WSB2: variants seen among roughly 807,000 people sequenced by gnomAD.
WSB2 encodes the protein WD repeat and SOCS box-containing protein 2.
Under a neutral mutation model 48.8 loss-of-function variants are expected in WSB2, and 12 were observed. The ratio of observed to expected loss-of-function variants is 0.25; its 90% confidence interval spans 0.16 to 0.40. The LOEUF (loss-of-function observed/expected upper bound fraction) is 0.40. Among genes scored for constraint, WSB2 ranks in the 10% least tolerant of loss-of-function variants. The pLI, the probability that WSB2 is intolerant of heterozygous loss-of-function variation, is 1.00. For missense variants in WSB2, 317 were observed against 506.2 expected, an observed-to-expected ratio of 0.63 and a Z score of 3.59; for synonymous variants, 191 against 203.1, an observed-to-expected ratio of 0.94 and a Z score of 0.51.
Position 118,036,209 on chromosome 12 carries a change from A to T in WSB2, c.833+129T>A, listed in dbSNP as rs2031506051. 3 of 1,112,970 alleles carry T rather than the reference A, an allele frequency of 2.7e-6. No individual in the cohort carries two copies. In the African/African-American group the frequency reaches 4.7e-5, roughly 17 times the overall value. The allele number at this position is 1,112,970 out of a possible 1,614,324, so 68.9% of individuals were successfully genotyped here. ...AGAGCGAGACTCCGTCTCAAAAGAG[A>T]CCCACTGTGCCTTTTTATCCAGCTT... On this transcript the variant is annotated intron_variant, in intron 6 of 8. Coordinates refer to ENST00000315436, the MANE Select transcript of WSB2 (RefSeq NM_018639.5).
At chr12:118,037,695 AAAG>A (rs1025368793) in intron 5 of WSB2, among the ~76,000 whole-genome samples, 1 of 151,964 alleles carries the variant, frequency 6.6e-6, no homozygotes, top group Non-Finnish European at 1.5e-5. Flanking sequence ...AAAGAAAAGA[AAAG>A]AAAACCCTCC....
chr12:118,051,200 C>T (rs1255478437), intron 2 of WSB2, among the ~76,000 whole-genome samples: 1 of 152,124 alleles, frequency 6.6e-6, no homozygotes, highest in African/African-American at 2.4e-5. Flanking sequence ...ACAATAACAA[C>T]GGCTGGATGT....
chr12:118,059,834 T>A (rs1434456866), intron 1 of WSB2, among the ~76,000 whole-genome samples: 1 of 152,176 alleles, frequency 6.6e-6, no homozygotes, highest in Non-Finnish European at 1.5e-5. Context: ...GAGAGAGAGC[T>A]GCCTTTAACT....
At position 118,034,116 on chromosome 12, in the gene WSB2, A is replaced by G. The variant is rs1421951302; in HGVS notation, c.*80T>C. 1 of 1,558,316 alleles carries G rather than the reference A, an allele frequency of 6.4e-7. No homozygotes were observed. Among genetic ancestry groups the G allele is most frequent in the African/African-American group, 1.4e-5 (1 of 73,628 alleles). ...AAATGCTATTTCAATGCAAGACCAG[A>G]TGTTTGGCCCATTATTCCAGCAACT... On this transcript the variant is annotated 3_prime_UTR_variant, in exon 9 of 9. Transcript: ENST00000315436.
chr12:118,051,358 A>G (rs1222860582), intron 2 of WSB2, among the ~76,000 whole-genome samples: 1 of 152,226 alleles, frequency 6.6e-6, no homozygotes, highest in Non-Finnish European at 1.5e-5. Context: ...TGTAATAACC[A>G]AAACATGAAA....
Position 118,052,481 on chromosome 12 carries a change from G to A in WSB2, c.14-3C>T. 5 of 1,613,838 alleles carry A rather than the reference G, an allele frequency of 3.1e-6. No individual in the cohort carries two copies. Among genetic ancestry groups the A allele is most frequent in the Non-Finnish European group, 4.2e-6 (5 of 1,179,968 alleles). On this transcript the variant is annotated splice_polypyrimidine_tract_variant and splice_region_variant and intron_variant, in intron 1 of 8. Transcript: ENST00000315436. ...TTCGGCCAGCAGCAGCGGTTCCTCT[G>A]GGGCAGGAGACAACATGCTTCAAAC...
chr12:118,035,239 A>G lies in WSB2; in HGVS notation c.919T>C (p.Tyr307His), dbSNP rs1233813297. The change falls in exon 7 of 9, where the codon TAC becomes CAC. Residue 307 changes from tyrosine (Y) to histidine (H), a missense_variant. Tyr to His is a moderately conservative substitution (Grantham distance 83). This residue lies in a region of WSB2 where 189 missense variants were observed against 349.6 expected (regional missense o/e 0.54). Coordinates refer to ENST00000315436, the MANE Select transcript of WSB2 (RefSeq NM_018639.5). ...CTGTCATCTGCCACCGTGGCAAGGT[A>G]CAAGCCTTCTGGAGAGAAGCACACA... Reference protein sequence around the residue: ...RSVCFSPEGLYLATVADDRLL... With the variant: ...RSVCFSPEGLHLATVADDRLL... 6.2e-7 allele frequency: 1 copy of G among 1,614,220 alleles called. No individual in the cohort carries two copies. The highest frequency in any genetic ancestry group is 8.5e-7 in the Non-Finnish European group (1 of 1,180,044).
chr12:118,054,215 TCCAAAAAAAA>T (rs1259905291), intron 1 of WSB2, among the ~76,000 whole-genome samples: 6 of 22,800 alleles, frequency 2.6e-4, no homozygotes, highest in East Asian at 2.0e-3. Flanking sequence ...CTACTAAAAA[TCCAAAAAAAA>T]AAAAAAAAAA....
chr12:118,058,985 C>G (rs2032013910), intron 1 of WSB2, among the ~76,000 whole-genome samples: 1 of 152,086 alleles, frequency 6.6e-6, no homozygotes, highest in African/African-American at 2.4e-5. Flanking sequence ...CGTGAGCCAC[C>G]CCGGCGCATT....
At chr12:118,040,340 C>T (rs75734538) in intron 4 of WSB2, among the ~76,000 whole-genome samples, 2,025 of 152,180 alleles carry the variant, frequency 0.013, 18 homozygotes, top group Non-Finnish European at 0.018. Context: ...TACTCCATCC[C>T]GCCCACTCTT....
intron 1 of WSB2, among the ~76,000 whole-genome samples, chr12:118,058,921 C>T (rs2032012914): frequency 6.6e-6 from 1 of 152,142 alleles, no homozygotes; most frequent in African/African-American, 2.4e-5. Flanking sequence ...GTCTCGAACT[C>T]CTGGCCTCAA....
chr12:118,046,808 G>C lies in WSB2; in HGVS notation c.183-3431C>G, dbSNP rs1291047722. Reference sequence around the variant, plus strand: ...TTTTTTAAAGACAGGGTCTCTCTCTGGCACCCAGGCTGCAGTGCAGTGGTG... The same window carrying C: ...TTTTTTAAAGACAGGGTCTCTCTCTCGCACCCAGGCTGCAGTGCAGTGGTG... On this transcript the variant is annotated intron_variant, in intron 2 of 8. Transcript: ENST00000315436. Among the ~76,000 whole-genome samples, 17 of 152,280 alleles carry C rather than the reference G, an allele frequency of 1.1e-4. No homozygotes were observed. In the East Asian group the frequency reaches 3.3e-3, roughly 29 times the overall value.
At chr12:118,061,756 AG>A (rs1340846777), upstream of WSB2, among the ~76,000 whole-genome samples, 2 of 101,040 alleles carry the variant, frequency 2.0e-5, no homozygotes, top group Non-Finnish European at 3.8e-5. Flanking sequence ...AAGGCCGATG[AG>A]GGGGGAAACG....
At chr12:118,048,291 C>T (rs1361650799) in intron 2 of WSB2, among the ~76,000 whole-genome samples, 6 of 150,594 alleles carry the variant, frequency 4.0e-5, no homozygotes, top group African/African-American at 1.5e-4. Context: ...TACTGTTCTT[C>T]AAAATATGTG....
upstream of WSB2, chr12:118,062,017 A>G (rs2032080482): frequency 2.3e-6 from 3 of 1,332,942 alleles, no homozygotes; most frequent in Non-Finnish European, 3.0e-6. Context: ...AGAGGAGGGC[A>G]GGGTGAAAAC....
At chr12:118,043,013 G>A in intron 3 of WSB2, 41 bp from the exon 4 acceptor site, 1 of 1,613,800 alleles carries the variant, frequency 6.2e-7, no homozygotes, top group Non-Finnish European at 8.5e-7. Context: ...CAGAGAGGGG[G>A]CACGAGGTGT....
At chr12:118,036,174 C>G in intron 6 of WSB2, 164 bp downstream of exon 6, 2 of 845,074 alleles carry the variant, frequency 2.4e-6, no homozygotes, top group Non-Finnish European at 3.6e-6. Flanking sequence ...TGCACTCCAG[C>G]CTGGGTGACA....
chr12:118,038,471 G>GC lies in WSB2; in HGVS notation c.560-84dup, dbSNP rs542356893. 155 of 1,305,106 alleles carry GC rather than the reference G, an allele frequency of 1.2e-4. No homozygotes were observed. The African/African-American group carries it at 2.0e-3, about 16-fold the overall frequency. The allele number at this position is 1,305,106 out of a possible 1,614,324, so 80.8% of individuals were successfully genotyped here. Reference sequence around the variant, plus strand: ...GAACGGGAGAACTGGGGTGGTAACAGCCCCCAGCCCAGTATACCCATCAGC... The same window carrying GC: ...GAACGGGAGAACTGGGGTGGTAACAGCCCCCCAGCCCAGTATACCCATCAGC... On this transcript the variant is annotated intron_variant, in intron 4 of 8. Transcript: ENST00000315436.
chr12:118,035,103 G>T lies in WSB2; in HGVS notation c.945-10C>A, dbSNP rs1225219703. ...CCAGATCCTGAGGAGTCTGGATGGG[G>T]AGAGAGAACATCTGGATATTAGCTG... On this transcript the variant is annotated splice_polypyrimidine_tract_variant and intron_variant, in intron 7 of 8. Coordinates refer to ENST00000315436, the MANE Select transcript of WSB2 (RefSeq NM_018639.5). 8 of 1,613,830 alleles carry T rather than the reference G, an allele frequency of 5.0e-6. No individual in the cohort carries two copies.
Sources: allele counts gnomAD v4.1 joint callset (sites outside exome capture counted in the v4.1 genomes callset), GRCh38; gene constraint gnomAD v4.1.1; regional missense constraint gnomAD v4.1.1; transcripts MANE v1.5; gene names NCBI Gene and HGNC (gene_info 2026-07-23, HGNC 2026-07-21).